Variants in OPCML observed in about 807,000 individuals in gnomAD.
OPCML encodes opioid binding protein/cell adhesion molecule like.
A neutral mutation model predicts 37.8 loss-of-function variants in OPCML; 13 were observed. The observed-to-expected ratio is 0.34, with a 90% CI of 0.22 to 0.55. OPCML has a LOEUF of 0.55. OPCML is among the 20% of genes least tolerant of loss of function. The probability of loss-of-function intolerance (pLI) is 0.91; values close to 1 mark genes in which losing one functional copy is unlikely to be tolerated. For synonymous variants in OPCML, 176 were observed against 168.8 expected, an observed-to-expected ratio of 1.04 and a Z score of -0.33; for missense variants, 341 against 435.6, an observed-to-expected ratio of 0.78 and a Z score of 1.93.
intron 2 of OPCML, among the ~76,000 whole-genome samples, chr11:132,853,917 G>T (rs748908991): frequency 1.3e-5 from 2 of 152,152 alleles, no homozygotes; most frequent in Non-Finnish European, 2.9e-5. Context: ...GTTAAATTGT[G>T]TTAATTGTGT....
At chr11:133,482,394 A>C (rs1341447518) in intron 1 of OPCML, among the ~76,000 whole-genome samples, 2 of 152,204 alleles carry the variant, frequency 1.3e-5, no homozygotes, top group African/African-American at 2.4e-5. Flanking sequence ...CATACGGGAA[A>C]GCATGGGTTT....
chr11:132,936,967 T>C (rs1391781863), intron 2 of OPCML, among the ~76,000 whole-genome samples: 2 of 152,072 alleles, frequency 1.3e-5, no homozygotes, highest in East Asian at 3.9e-4. Context: ...AGAAAGAAAA[T>C]GAAGAAAAGT....
At chr11:133,522,841 A>T (rs1948420615) in intron 1 of OPCML, among the ~76,000 whole-genome samples, 1 of 152,200 alleles carries the variant, frequency 6.6e-6, no homozygotes, top group Non-Finnish European at 1.5e-5. Context: ...TTTTGATTCC[A>T]AGGACCTTTC....
At chr11:133,184,632 TTAAC>T (rs1937993325) in intron 1 of OPCML, among the ~76,000 whole-genome samples, 1 of 152,170 alleles carries the variant, frequency 6.6e-6, no homozygotes, top group South Asian at 2.1e-4. Context: ...GTCCATTAAA[TTAAC>T]TATCTACTTA....
chr11:132,436,247 G>A lies in OPCML; in HGVS notation c.765-10C>T, dbSNP rs753757227. On this transcript the variant is annotated splice_polypyrimidine_tract_variant and intron_variant, in intron 6 of 7. Coordinates refer to ENST00000524381, the MANE Select transcript of OPCML (RefSeq NM_001012393.5). ...CAGACCAGTGGCTAACCTGCAAGAG[G>A]GAAGACATTGCTATCAATTCATTCT... is the stretch of plus-strand genomic sequence containing the variant. 1.2e-6 allele frequency: 2 copies of A among 1,614,100 alleles called. No individual in the cohort carries two copies. Among genetic ancestry groups the A allele is most frequent in the Non-Finnish European group, 1.7e-6 (2 of 1,180,000 alleles).
chr11:133,409,777 C>T (rs977528505), intron 1 of OPCML, among the ~76,000 whole-genome samples: 1 of 152,110 alleles, frequency 6.6e-6, no homozygotes, highest in African/African-American at 2.4e-5. Context: ...GCACTATGCA[C>T]CATGCTAGGT....
chr11:133,238,147 T>C (rs1252748702), intron 1 of OPCML, among the ~76,000 whole-genome samples: 1 of 152,210 alleles, frequency 6.6e-6, no homozygotes, highest in Non-Finnish European at 1.5e-5. Flanking sequence ...ATAGACCATA[T>C]ACTTGACCCT....
chr11:132,817,446 T>A (rs1939697317), intron 2 of OPCML, among the ~76,000 whole-genome samples: 1 of 152,118 alleles, frequency 6.6e-6, no homozygotes, highest in Non-Finnish European at 1.5e-5. Flanking sequence ...GGACCACAGG[T>A]GTTTTCATGG....
intron 1 of OPCML, chr11:133,297,116 T>C (rs1327523753): frequency 6.6e-6 from 1 of 152,122 alleles, no homozygotes; most frequent in Non-Finnish European, 1.5e-5. Context: ...TTCCTTCCAA[T>C]GGGATTGACA....
At chr11:133,269,925 G>C (rs1289382562) in intron 1 of OPCML, among the ~76,000 whole-genome samples, 1 of 152,152 alleles carries the variant, frequency 6.6e-6, no homozygotes, top group Non-Finnish European at 1.5e-5. Flanking sequence ...CTTCCAAGAG[G>C]TGTGATTTTA....
At position 133,428,437 on chromosome 11, in the gene OPCML, A is replaced by C. The variant is rs532531948; in HGVS notation, c.61+103827T>G. On this transcript the variant is annotated intron_variant, in intron 1 of 7. Transcript: ENST00000524381. ...GAATTATCATTATGTCTCCTTCAAA[A>C]ACCCAAGGAATAAACTGAAAATCTA... is the stretch of plus-strand genomic sequence containing the variant. 1.1e-4 allele frequency among the ~76,000 whole-genome samples: 16 copies of C among 152,340 alleles called. No homozygotes were observed. In the East Asian group the frequency reaches 3.1e-3, roughly 29 times the overall value.
At chr11:133,181,481 A>C (rs571869474) in intron 1 of OPCML, among the ~76,000 whole-genome samples, 1 of 151,996 alleles carries the variant, frequency 6.6e-6, no homozygotes, top group Admixed American at 6.6e-5. Flanking sequence ...AAATTTACAA[A>C]GTGGGGGGAA....
At chr11:133,193,309 T>C (rs1938399683) in intron 1 of OPCML, among the ~76,000 whole-genome samples, 1 of 151,706 alleles carries the variant, frequency 6.6e-6, no homozygotes, top group Non-Finnish European at 1.5e-5. Flanking sequence ...ATCCAAGGAG[T>C]GAGTAAAAGC....
chr11:132,839,189 G>A (rs2136297790), intron 2 of OPCML, among the ~76,000 whole-genome samples: 1 of 152,226 alleles, frequency 6.6e-6, no homozygotes, highest in African/African-American at 2.4e-5. Context: ...TGTTTGTCTT[G>A]TCAGAAAAAA....
Position 132,657,585 on chromosome 11 carries a change from T to C in OPCML, c.147-266A>G, listed in dbSNP as rs1333771064. Among the ~76,000 whole-genome samples the C allele has an allele frequency of 3.3e-5, 5 of 152,212 alleles. No homozygotes were observed. In the East Asian group the frequency reaches 7.7e-4, roughly 23 times the overall value. On this transcript the variant is annotated intron_variant, in intron 2 of 7. Transcript: ENST00000524381. Reference sequence around the variant, plus strand: ...CTTTGCCATCCATTTGCTTTCCCTGTTATTTTTTTCCCCATAGGCTTATAT... The same window carrying C: ...CTTTGCCATCCATTTGCTTTCCCTGCTATTTTTTTCCCCATAGGCTTATAT...
chr11:133,465,829 G>A (rs1163459077), intron 1 of OPCML, among the ~76,000 whole-genome samples: 1 of 152,142 alleles, frequency 6.6e-6, no homozygotes, highest in Non-Finnish European at 1.5e-5. Context: ...TGCAAAATAT[G>A]TAGCCAACAA....
intron 1 of OPCML, among the ~76,000 whole-genome samples, chr11:133,018,729 A>G (rs546682846): frequency 6.1e-4 from 93 of 152,334 alleles, no homozygotes; most frequent in South Asian, 5.4e-3. Context: ...TCCTGATCCC[A>G]GAGGGCAAGA....
At chr11:132,720,687 G>T (rs1173548975) in intron 2 of OPCML, among the ~76,000 whole-genome samples, 1 of 152,102 alleles carries the variant, frequency 6.6e-6, no homozygotes, top group Non-Finnish European at 1.5e-5. Context: ...CTATTTTATT[G>T]TCAGCTCTTC....
intron 1 of OPCML, among the ~76,000 whole-genome samples, chr11:133,125,739 A>G (rs56183631): frequency 7.7e-6 from 1 of 130,366 alleles, no homozygotes; most frequent in African/African-American, 2.9e-5. Flanking sequence ...TATATAGTAT[A>G]TATATAGTAT....
Sources: allele counts gnomAD v4.1 joint callset (sites outside exome capture counted in the v4.1 genomes callset), GRCh38; gene constraint gnomAD v4.1.1; transcripts MANE v1.5; gene names NCBI Gene and HGNC (gene_info 2026-07-23, HGNC 2026-07-21).